Variants in TCF7L1 observed in about 807,000 individuals in gnomAD.
TCF7L1 encodes the protein transcription factor 7-like 1.
TCF7L1 carries 18 observed loss-of-function variants against 63.7 expected under a neutral mutation model. The observed-to-expected ratio is 0.28, with a 90% CI of 0.20 to 0.42. The LOEUF is 0.42. Ranked by LOEUF, TCF7L1 falls within the 10% of genes least tolerant of loss-of-function variation. The pLI, the probability that TCF7L1 is intolerant of heterozygous loss-of-function variation, is 1.00. For synonymous variants in TCF7L1, 355 were observed against 340.9 expected (o/e 1.04, Z -0.46); for missense variants, 654 against 779.3 (o/e 0.84, Z 1.91).
intron 3 of TCF7L1, among the ~76,000 whole-genome samples, chr2:85,250,257 C>G (rs1446749827): frequency 2.0e-5 from 3 of 152,168 alleles, no homozygotes; most frequent in East Asian, 1.9e-4. Context: ...GAAGGAGATG[C>G]CAGTACACCA....
chr2:85,230,896 T>C (rs1247553328), intron 3 of TCF7L1, among the ~76,000 whole-genome samples: 2 of 152,182 alleles, frequency 1.3e-5, no homozygotes, highest in Admixed American at 1.3e-4. Context: ...CGCCTTTTAA[T>C]TTGCTGTTAG....
intron 3 of TCF7L1, among the ~76,000 whole-genome samples, chr2:85,171,684 G>A (rs1201745215): frequency 1.3e-5 from 2 of 152,208 alleles, no homozygotes; most frequent in African/African-American, 4.8e-5. Flanking sequence ...CACTGATAGA[G>A]CCAGGAAGTG....
chr2:85,218,639 T>TGC (rs1553400270), intron 3 of TCF7L1, among the ~76,000 whole-genome samples: 1 of 149,970 alleles, frequency 6.7e-6, no homozygotes, highest in South Asian at 2.1e-4. Flanking sequence ...TTTATTCCAA[T>TGC]GGGGGGGGGA....
At chr2:85,141,571 A>G (rs940259215) in intron 3 of TCF7L1, among the ~76,000 whole-genome samples, 1 of 152,214 alleles carries the variant, frequency 6.6e-6, no homozygotes, top group Non-Finnish European at 1.5e-5. Flanking sequence ...AAGCCTGGCT[A>G]TGGAAAGAAG....
chr2:85,270,858 T>C (rs1413236506), intron 3 of TCF7L1, among the ~76,000 whole-genome samples: 1 of 151,890 alleles, frequency 6.6e-6, no homozygotes, highest in Non-Finnish European at 1.5e-5. Flanking sequence ...CCTGGCTAAT[T>C]TTTTTTGTAT....
At chr2:85,205,249 T>C (rs571749244) in intron 3 of TCF7L1, among the ~76,000 whole-genome samples, 2 of 152,360 alleles carry the variant, frequency 1.3e-5, no homozygotes, top group Non-Finnish European at 2.9e-5. Context: ...AGAATAAAGA[T>C]ATTTTTTAAA....
intron 3 of TCF7L1, among the ~76,000 whole-genome samples, chr2:85,152,887 T>C (rs1203766635): frequency 2.6e-5 from 4 of 152,242 alleles, no homozygotes. Flanking sequence ...AAAATAAGCA[T>C]ATATATATTT....
rs532037293 is a variant in TCF7L1, at chr2:85,303,869, T to A, written c.659-26T>A. The A allele has an allele frequency of 4.5e-6, 7 of 1,560,232 alleles. No individual in the cohort carries two copies. In the East Asian group the frequency reaches 1.3e-4, roughly 30 times the overall value. On this transcript the variant is annotated intron_variant, in intron 5 of 11. Transcript: ENST00000282111. ...GTGCTCTGGCAGGGCGAGGGAACAG[T>A]CTGACATATCTCTCTTTGGAAGCAG...
chr2:85,145,986 C>T (rs561865281), intron 3 of TCF7L1, among the ~76,000 whole-genome samples: 63 of 152,202 alleles, frequency 4.1e-4, no homozygotes, highest in African/African-American at 1.3e-3. Flanking sequence ...GCTGGGATTA[C>T]AGGCATGAGC....
intron 3 of TCF7L1, among the ~76,000 whole-genome samples, chr2:85,191,497 C>T (rs1346016051): frequency 6.6e-6 from 1 of 152,198 alleles, no homozygotes; most frequent in Non-Finnish European, 1.5e-5. Context: ...TTAGTATTTG[C>T]ATGCTGTGTG....
chr2:85,134,289 C>G lies in TCF7L1; in HGVS notation c.314-34C>G. 1 of 1,559,228 alleles carries G rather than the reference C, an allele frequency of 6.4e-7. No homozygotes were observed. The highest frequency in any genetic ancestry group is 8.7e-7 in the Non-Finnish European group (1 of 1,151,536). On this transcript the variant is annotated intron_variant, in intron 2 of 11. Coordinates refer to ENST00000282111, the MANE Select transcript of TCF7L1 (RefSeq NM_031283.3). The surrounding 1 kb of genome is among the most constrained non-coding windows in gnomAD (Gnocchi z 5.0). ...GCCGCGGCGCTGTCAGTCCCGGGGG[C>G]CTGGGCCTCACCTCGCCTTGGTCTT...
At chr2:85,288,407 C>T (rs943807366) in intron 4 of TCF7L1, among the ~76,000 whole-genome samples, 2 of 152,184 alleles carry the variant, frequency 1.3e-5, no homozygotes, top group African/African-American at 4.8e-5. Flanking sequence ...TCCCAGTTTA[C>T]TCCATGCGGC....
intron 3 of TCF7L1, among the ~76,000 whole-genome samples, chr2:85,148,837 G>T (rs1209888357): frequency 6.8e-6 from 1 of 146,282 alleles, no homozygotes; most frequent in Non-Finnish European, 1.5e-5. Context: ...GAAGTGGCGC[G>T]ATCTTGGCTC....
chr2:85,280,693 T>C (rs1681388749), intron 3 of TCF7L1, among the ~76,000 whole-genome samples: 1 of 152,240 alleles, frequency 6.6e-6, no homozygotes. Context: ...GTTCAAGTTG[T>C]TGCTTCTAGA....
intron 3 of TCF7L1, among the ~76,000 whole-genome samples, chr2:85,222,465 C>A (rs1279889396): frequency 2.6e-5 from 4 of 151,222 alleles, no homozygotes; most frequent in Non-Finnish European, 5.9e-5. Context: ...CTCAGGAGTT[C>A]AAGGCCAGCC....
intron 3 of TCF7L1, among the ~76,000 whole-genome samples, chr2:85,165,601 C>T (rs2104227398): frequency 6.6e-6 from 1 of 152,266 alleles, no homozygotes; most frequent in Middle Eastern, 3.4e-3. Flanking sequence ...GGTTGGATGA[C>T]AACACTAAAG....
intron 3 of TCF7L1, among the ~76,000 whole-genome samples, chr2:85,269,918 G>A (rs1681109041): frequency 6.6e-6 from 1 of 152,210 alleles, no homozygotes; most frequent in African/African-American, 2.4e-5. Context: ...GGTGGCTGGT[G>A]TGACCCTTAT....
At chr2:85,169,517 A>G (rs370529542) in intron 3 of TCF7L1, among the ~76,000 whole-genome samples, 86 of 152,118 alleles carry the variant, frequency 5.7e-4, no homozygotes, top group African/African-American at 2.0e-3. Context: ...GTACCTCACA[A>G]TCAAACACAA....
chr2:85,198,541 G>A (rs1235321716), intron 3 of TCF7L1, among the ~76,000 whole-genome samples: 2 of 152,176 alleles, frequency 1.3e-5, no homozygotes, highest in African/African-American at 2.4e-5. Context: ...AGCAGCCCTC[G>A]CTGGCCATGA....
Sources: allele counts gnomAD v4.1 joint callset (sites outside exome capture counted in the v4.1 genomes callset), GRCh38; gene constraint gnomAD v4.1.1; non-coding constraint Gnocchi (gnomAD v3.1); transcripts MANE v1.5; gene names NCBI Gene and HGNC (gene_info 2026-07-23, HGNC 2026-07-21).